RASAL2: variants seen among roughly 807,000 people sequenced by gnomAD.
RASAL2 encodes ras GTPase-activating protein nGAP.
A neutral mutation model predicts 128.9 loss-of-function variants in RASAL2; 58 were observed. That is an observed-to-expected ratio of 0.45 (90% CI 0.36 to 0.56). RASAL2 has a LOEUF of 0.56. Among genes scored for constraint, RASAL2 ranks in the 20% least tolerant of loss-of-function variants. The pLI is 0.00. For synonymous variants in RASAL2, 561 were observed against 580.8 expected, an observed-to-expected ratio of 0.97 and a Z score of 0.49; for missense variants, 1,360 against 1,601.6, an observed-to-expected ratio of 0.85 and a Z score of 2.57.
Position 178,298,471 on chromosome 1 carries a change from C to T in RASAL2, c.331-1521C>T, listed in dbSNP as rs778165452. Among the ~76,000 whole-genome samples the T allele has an allele frequency of 3.3e-5, 5 of 152,296 alleles. No homozygotes were observed. In the South Asian group the frequency reaches 1.0e-3, roughly 32 times the overall value. On this transcript the variant is annotated intron_variant, in intron 2 of 17. Transcript: ENST00000367649. ...TGCCTATGGAGGCATTAGGAATTTG[C>T]TCCTCGGATTCTCAGTAACAGAGAG...
chr1:178,450,384 G>A (rs1032054878), intron 9 of RASAL2, among the ~76,000 whole-genome samples: 3 of 152,028 alleles, frequency 2.0e-5, no homozygotes, highest in Non-Finnish European at 4.4e-5. Context: ...CCGGATTTGA[G>A]CCTAGATCTC....
At chr1:178,201,168 A>G (rs554840762) in intron 1 of RASAL2, among the ~76,000 whole-genome samples, 1 of 152,226 alleles carries the variant, frequency 6.6e-6, no homozygotes, top group African/African-American at 2.4e-5. Flanking sequence ...ATGATGGTGG[A>G]TGGAACGTAG....
intron 4 of RASAL2, among the ~76,000 whole-genome samples, chr1:178,400,747 AAATTAATT>A (rs1242325817): frequency 6.6e-6 from 1 of 152,118 alleles, no homozygotes; most frequent in African/African-American, 2.4e-5. Flanking sequence ...TTCATAGTCA[AAATTAATT>A]AATTAATTAA....
At chr1:178,224,150 G>A (rs768215080) in intron 1 of RASAL2, among the ~76,000 whole-genome samples, 2 of 151,926 alleles carry the variant, frequency 1.3e-5, no homozygotes, top group African/African-American at 4.8e-5. Flanking sequence ...CCAACACTTA[G>A]AGACTAGATA....
intron 1 of RASAL2, among the ~76,000 whole-genome samples, chr1:178,247,888 T>G (rs2102072549): frequency 6.6e-6 from 1 of 152,276 alleles, no homozygotes; most frequent in East Asian, 1.9e-4. Context: ...TTTGAGTGAG[T>G]TTCTTAATCC....
intron 1 of RASAL2, among the ~76,000 whole-genome samples, chr1:178,165,224 T>C (rs1388075608): frequency 2.0e-5 from 3 of 152,148 alleles, no homozygotes; most frequent in Non-Finnish European, 4.4e-5. Context: ...TAGTTACACA[T>C]ATATGTGTAT....
chr1:178,394,271 TC>T (rs1251187770), intron 4 of RASAL2, among the ~76,000 whole-genome samples: 1 of 152,200 alleles, frequency 6.6e-6, no homozygotes, highest in Non-Finnish European at 1.5e-5. Context: ...CTTTTAAAGA[TC>T]ATTTTTCATT....
intron 1 of RASAL2, among the ~76,000 whole-genome samples, chr1:178,223,229 A>G (rs187602043): frequency 8.3e-4 from 126 of 152,344 alleles, no homozygotes; most frequent in Non-Finnish European, 1.4e-3. Flanking sequence ...CTAGTGGGTA[A>G]AACAGGCATT....
At chr1:178,464,745 A>C (rs1389146283) in intron 15 of RASAL2, among the ~76,000 whole-genome samples, 2 of 148,420 alleles carry the variant, frequency 1.3e-5, no homozygotes, top group African/African-American at 5.0e-5. Context: ...GTTTCCATAA[A>C]CTTGTTGGTC....
At position 178,452,647 on chromosome 1, in the gene RASAL2, T is replaced by C. The variant is rs376478842; in HGVS notation, c.2004T>C (p.Phe668=). The change falls in exon 11 of 18, where the codon TTT becomes TTC. Residue 668 remains phenylalanine, a synonymous_variant. Coordinates refer to ENST00000367649, the MANE Select transcript of RASAL2 (RefSeq NM_170692.4). ...AGGTCATTCAGAACCTGGCCAACTT[T>C]GCCAAGTAGGTGATACTGTTGTAAC... ...IAKVIQNLAN[F]AKFGNKEEYM... is the part of the protein sequence containing the mutation. The C allele has an allele frequency of 2.5e-6, 4 of 1,609,068 alleles. No individual in the cohort carries two copies. The African/African-American group carries it at 5.3e-5, about 22-fold the overall frequency.
At chr1:178,155,114 C>T (rs986415324) in intron 1 of RASAL2, among the ~76,000 whole-genome samples, 19 of 152,176 alleles carry the variant, frequency 1.2e-4, no homozygotes, top group South Asian at 2.1e-4. Flanking sequence ...TGAGCCACCG[C>T]GCCTGGCCAG....
intron 4 of RASAL2, 54 bp downstream of exon 4, chr1:178,390,260 T>C (rs936599431): frequency 7.3e-7 from 1 of 1,360,642 alleles, no homozygotes; most frequent in Non-Finnish European, 1.0e-6. Flanking sequence ...TCTCCTTTCT[T>C]CTTAGAGTTA....
intron 1 of RASAL2, among the ~76,000 whole-genome samples, chr1:178,150,930 C>CT (rs1337429326): frequency 6.6e-6 from 1 of 151,876 alleles, no homozygotes; most frequent in Non-Finnish European, 1.5e-5. Flanking sequence ...TTCTTTTGTG[C>CT]TTTTTCTTGG....
At chr1:178,208,661 C>T (rs1663146760) in intron 1 of RASAL2, among the ~76,000 whole-genome samples, 1 of 152,140 alleles carries the variant, frequency 6.6e-6, no homozygotes, top group African/African-American at 2.4e-5. Context: ...TCTGCTTTTG[C>T]CTTTTGTCCT....
intron 1 of RASAL2, among the ~76,000 whole-genome samples, chr1:178,269,877 G>T (rs540832787): frequency 6.6e-6 from 1 of 151,980 alleles, no homozygotes; most frequent in Non-Finnish European, 1.5e-5. Flanking sequence ...TCTTTATTGC[G>T]TGAGATCCAA....
chr1:178,218,104 T>A (rs1663488126), intron 1 of RASAL2, among the ~76,000 whole-genome samples: 1 of 152,046 alleles, frequency 6.6e-6, no homozygotes, highest in South Asian at 2.1e-4. Flanking sequence ...ATCTTCAGGC[T>A]CCACTCCTAA....
In RASAL2 at chr1:178,300,071, C is replaced by G; in HGVS notation, c.410C>G (p.Ser137Cys). ...RCLRRTVSVP[S>C]EGQFPEYPPE... is the part of the protein sequence containing the mutation. The stretch of plus-strand genomic sequence containing the variant: ...CTGAGGAGAACTGTCAGTGTCCCTT[C>G]CGAGGGTCAGTTTCCCGAGTACCCA... Residue 137 changes from serine (S) to cysteine (C), a missense_variant, in exon 3 of 18, where the codon TCC becomes TGC. Ser to Cys is a moderately radical substitution (Grantham distance 112). Coordinates refer to ENST00000367649, the MANE Select transcript of RASAL2 (RefSeq NM_170692.4). 6.2e-7 allele frequency: 1 copy of G among 1,613,940 alleles called. No individual in the cohort carries two copies. The highest frequency in any genetic ancestry group is 8.5e-7 in the Non-Finnish European group (1 of 1,179,930).
intron 1 of RASAL2, among the ~76,000 whole-genome samples, chr1:178,196,210 G>A (rs1339085196): frequency 1.3e-5 from 2 of 152,118 alleles, no homozygotes; most frequent in African/African-American, 2.4e-5. Context: ...GTTGCTAATT[G>A]TATTATATAT....
intron 3 of RASAL2, among the ~76,000 whole-genome samples, chr1:178,364,204 T>C (rs1379763827): frequency 6.6e-6 from 1 of 152,178 alleles, no homozygotes; most frequent in East Asian, 1.9e-4. Flanking sequence ...CTCAGATCAC[T>C]GATCAAGGAA....
Sources: allele counts gnomAD v4.1 joint callset (sites outside exome capture counted in the v4.1 genomes callset), GRCh38; gene constraint gnomAD v4.1.1; transcripts MANE v1.5; gene names NCBI Gene and HGNC (gene_info 2026-07-23, HGNC 2026-07-21).